PDZD7: variants seen among roughly 807,000 people sequenced by gnomAD.
PDZD7 encodes PDZ domain containing 7.
A neutral mutation model predicts 84.7 loss-of-function variants in PDZD7; 72 were observed. The ratio of observed to expected loss-of-function variants is 0.85; its 90% CI spans 0.70 to 1.03. The LOEUF (loss-of-function observed/expected upper bound fraction) is 1.03, where lower values mean the gene tolerates loss of function less well. PDZD7 is among the 50% of genes least tolerant of loss of function. The pLI is 0.00. For synonymous variants in PDZD7, 594 were observed against 580.7 expected (o/e 1.02, Z -0.33); for missense variants, 1,490 against 1,412.9 (o/e 1.05, Z -0.87).
chr10:101,030,074 C>T lies in PDZD7; in HGVS notation c.146G>A (p.Arg49Gln), dbSNP rs118036804. ...TCCGCGGGGGGGCCCGTTCAGCAGC[C>T]GTTGTTGCTTCCTTAGCAGGTATCG... is the stretch of plus-strand genomic sequence containing the variant. ...ATRYLLRKQQ[R>Q]LLNGPPRGIR... is the part of the protein sequence containing the mutation. Residue 49 changes from arginine to glutamine, a missense_variant, in exon 2 of 17, where the codon CGG becomes CAG. By Grantham distance (43) the Arg-to-Gln change is conservative. Coordinates refer to ENST00000619208, the MANE Select transcript of PDZD7 (RefSeq NM_001195263.2). The T allele has an allele frequency of 3.4e-4, 548 of 1,614,182 alleles. 8 individuals are homozygous for T. The East Asian group carries it at 0.012, about 36-fold the overall frequency.
intron 9 of PDZD7, 98 bp from the exon 10 acceptor site, chr10:101,016,525 T>C: frequency 7.7e-7 from 1 of 1,292,718 alleles, no homozygotes; most frequent in East Asian, 2.5e-5. Flanking sequence ...GAATTCAGAC[T>C]GGAAGTAGGT....
Position 101,008,679 on chromosome 10 carries a change from G to C in PDZD7, c.2890C>G (p.Leu964Val), listed in dbSNP as rs777278451. The change falls in exon 17 of 17, where the codon CTT (leucine) becomes GTT (valine). Residue 964 changes from leucine (L) to valine (V), a missense_variant. By Grantham distance (32) the Leu-to-Val change is conservative. Coordinates refer to ENST00000619208, the MANE Select transcript of PDZD7 (RefSeq NM_001195263.2). ...TCAGCAGGAAGGCCCCCATCAGTAA[G>C]GGCTGATGAGTCAGAGGGTGAGGGC... ...PRPSPSDSSA[L>V]TDGGLPADHL... is the part of the protein sequence containing the mutation. 1 of 1,536,054 alleles carries C rather than the reference G, an allele frequency of 6.5e-7. No homozygotes were observed. Among genetic ancestry groups the C allele is most frequent in the East Asian group, 2.4e-5 (1 of 40,880 alleles).
chr10:101,018,295 C>T lies in PDZD7; in HGVS notation c.1326G>A (p.Glu442=). The T allele has an allele frequency of 6.2e-7, 1 of 1,613,522 alleles. No individual in the cohort carries two copies. Among genetic ancestry groups the T allele is most frequent in the Non-Finnish European group, 8.5e-7 (1 of 1,179,986 alleles). Residue 442 remains glutamate (E), a splice_region_variant and synonymous_variant, in exon 9 of 17, where the codon GAG becomes GAA. Coordinates refer to ENST00000619208, the MANE Select transcript of PDZD7 (RefSeq NM_001195263.2). ...TRSQSYLTLW[E]EKQQRKKEKS... is the part of the protein sequence containing the mutation. ...TCTCCTTCTTCCGCTGCTGCTTCTC[C>T]TCTGCAGACACGAGGGAGCAACGGG...
At chr10:101,014,783 G>A (rs936729470) in intron 11 of PDZD7, among the ~76,000 whole-genome samples, 2 of 151,750 alleles carry the variant, frequency 1.3e-5, no homozygotes, top group African/African-American at 2.4e-5. Context: ...CCACAGACAC[G>A]CCAGTGCACA....
At chr10:101,018,382 G>C (rs1429175389) in intron 8 of PDZD7, 86 bp from the exon 9 acceptor site, 30 of 1,432,982 alleles carry the variant, frequency 2.1e-5, no homozygotes, top group Non-Finnish European at 2.9e-5. Flanking sequence ...GGGACAGAGA[G>C]AAGGGAGAGG....
At chr10:101,018,725 C>T in intron 8 of PDZD7, 97 bp downstream of exon 8, 1 of 1,438,090 alleles carries the variant, frequency 7.0e-7, no homozygotes, top group Non-Finnish European at 9.2e-7. Flanking sequence ...TTCGTCAAGG[C>T]CTGGGGCAAA....
At chr10:101,019,571 C>T (rs569463833) in intron 7 of PDZD7, among the ~76,000 whole-genome samples, 2 of 140,778 alleles carry the variant, frequency 1.4e-5, no homozygotes, top group African/African-American at 5.7e-5. Context: ...CCTCCTCCTC[C>T]TCCTCCTCCT....
At chr10:101,013,426 A>G (rs1420598179) in intron 11 of PDZD7, among the ~76,000 whole-genome samples, 1 of 152,226 alleles carries the variant, frequency 6.6e-6, no homozygotes, top group Non-Finnish European at 1.5e-5. Context: ...AATGGGGCAC[A>G]GGGAGTCTCA....
intron 4 of PDZD7, chr10:101,023,070 CTTTTTT>C (rs1161602421): frequency 2.7e-4 from 34 of 127,790 alleles, no homozygotes; most frequent in Non-Finnish European, 3.6e-4. Flanking sequence ...CCATGCCCGG[CTTTTTT>C]TTTTTTTTTT....
intron 2 of PDZD7, among the ~76,000 whole-genome samples, chr10:101,028,078 T>C (rs1937823756): frequency 6.6e-6 from 1 of 152,130 alleles, no homozygotes; most frequent in Non-Finnish European, 1.5e-5. Flanking sequence ...TGGGGCAGGG[T>C]TCCAGGCTGC....
chr10:101,021,013 T>C (rs1287623720), intron 6 of PDZD7, among the ~76,000 whole-genome samples: 2 of 152,200 alleles, frequency 1.3e-5, no homozygotes, highest in East Asian at 3.8e-4. Flanking sequence ...GCAGAGAACT[T>C]ATCTGTCCTG....
intron 11 of PDZD7, among the ~76,000 whole-genome samples, chr10:101,013,257 G>A (rs539255493): frequency 6.6e-6 from 1 of 152,176 alleles, no homozygotes; most frequent in Non-Finnish European, 1.5e-5. Flanking sequence ...ATGTGCACAC[G>A]CTTTAAGTCC....
chr10:101,015,873 G>C, intron 10 of PDZD7, 62 bp from the exon 11 acceptor site: 1 of 1,492,762 alleles, frequency 6.7e-7, no homozygotes, highest in East Asian at 2.5e-5. Context: ...CTGGGCCCCA[G>C]AATTGGCCAG....
intron 7 of PDZD7, among the ~76,000 whole-genome samples, chr10:101,019,755 A>T (rs2134067736): frequency 6.6e-6 from 1 of 151,544 alleles, no homozygotes; most frequent in East Asian, 1.9e-4. Flanking sequence ...CTTCCCAAGT[A>T]GCTGGTATGA....
intron 6 of PDZD7, among the ~76,000 whole-genome samples, 177 bp downstream of exon 6, chr10:101,021,621 T>A (rs1473684062): frequency 6.6e-6 from 1 of 152,208 alleles, no homozygotes; most frequent in African/African-American, 2.4e-5. Context: ...TGTTCGTGAG[T>A]TGCTGTGCCT....
At position 101,019,193 on chromosome 10, in the gene PDZD7, A is replaced by G; in HGVS notation, c.953T>C (p.Leu318Pro). The G allele has an allele frequency of 6.5e-7, 1 of 1,535,996 alleles. No homozygotes were observed. The highest frequency in any genetic ancestry group is 8.7e-7 in the Non-Finnish European group (1 of 1,146,920). Reference protein sequence around the residue: ...DRLSNGVLQQLSPASESSSSV... With the variant: ...DRLSNGVLQQPSPASESSSSV... ...GGAGCTGCTCTCAGAGGCCGGGGAC[A>G]GCTGCTGCAGCACCCCGTTGCTCAC... The change falls in exon 8 of 17, where the codon CTG becomes CCG. Residue 318 changes from leucine (L) to proline (P), a missense_variant. Physicochemically the swap from Leu to Pro is moderately conservative, Grantham distance 98. Coordinates refer to ENST00000619208, the MANE Select transcript of PDZD7 (RefSeq NM_001195263.2).
At position 101,018,189 on chromosome 10, in the gene PDZD7, C is replaced by G; in HGVS notation, c.1432G>C (p.Gly478Arg). Reference protein sequence around the residue: ...MNLFFKGGRQGRLARDGRREA... With the variant: ...MNLFFKGGRQRRLARDGRREA... ...CTGCGCCCGTCCCGCGCTAGCCTCC[C>G]CTGCCGCCCTCCCTTGAAGAAGAGG... Residue 478 changes from glycine to arginine, a missense_variant, in exon 9 of 17, where the codon GGG becomes CGG. Physicochemically the swap from Gly to Arg is moderately radical, Grantham distance 125. Coordinates refer to ENST00000619208, the MANE Select transcript of PDZD7 (RefSeq NM_001195263.2). The G allele has an allele frequency of 1.2e-6, 2 of 1,614,230 alleles. No homozygotes were observed. Among genetic ancestry groups the G allele is most frequent in the South Asian group, 1.1e-5 (1 of 91,088 alleles).
chr10:101,027,598 C>T (rs1021215191), intron 2 of PDZD7, among the ~76,000 whole-genome samples: 2 of 152,216 alleles, frequency 1.3e-5, no homozygotes, highest in Non-Finnish European at 2.9e-5. Context: ...CTGAGCCCTG[C>T]AATCTATCCC....
chr10:101,008,477 C>T lies in PDZD7; in HGVS notation c.3092G>A (p.Arg1031His), dbSNP rs72838683. 76,167 of 1,498,056 alleles carry T rather than the reference C, an allele frequency of 0.051. 2,318 individuals are homozygous for T. The highest frequency in any genetic ancestry group is 0.067 in the Middle Eastern group (293 of 4,342). 92.8% of individuals were successfully genotyped at this position (1,498,056 alleles called of 1,614,324 possible). Residue 1031 changes from arginine (R) to histidine (H), a missense_variant, in exon 17 of 17, where the codon CGC (arginine) becomes CAC (histidine). Coordinates refer to ENST00000619208, the MANE Select transcript of PDZD7 (RefSeq NM_001195263.2). ...TPDSKPAPSP[R>H]IP ...AGGTTAGGGGGAGGGTCATGGGATG[C>T]GTGGGGAGGGTGCGGGCTTAGAATC...
Sources: gnomAD v4.1 joint callset for allele counts (sites outside exome capture counted in the v4.1 genomes callset) on GRCh38, gnomAD v4.1.1 for gene constraint, MANE v1.5 for transcripts, NCBI Gene and HGNC (gene_info 2026-07-23, HGNC 2026-07-21) for gene names.